The following MALRD1 variants were observed in gnomAD, a reference collection of about 807,000 sequenced individuals.
The protein encoded by MALRD1 is MAM and LDL-receptor class A domain-containing protein 1.
Under a neutral mutation model 242.1 loss-of-function variants are expected in MALRD1, and 247 were observed. That is an observed-to-expected ratio of 1.02 (90% CI 0.92 to 1.13). The LOEUF is 1.13. MALRD1 is among the 50% of genes most tolerant of loss of function. The probability of loss-of-function intolerance (pLI) is 0.00; values close to 1 mark genes in which losing one functional copy is unlikely to be tolerated. For synonymous variants in MALRD1, 995 were observed against 866.6 expected (o/e 1.15, Z -2.60); for missense variants, 2,989 against 2,533.1 (o/e 1.18, Z -3.86).
chr10:19,270,336 TCACACA>T (rs200537040), intron 19 of MALRD1, among the ~76,000 whole-genome samples: 3,071 of 130,802 alleles, frequency 0.023, 61 homozygotes, highest in African/African-American at 0.053. Flanking sequence ...TCTCTCTCTC[TCACACA>T]CACACACACA....
Position 19,371,541 on chromosome 10 carries a change from A to G in MALRD1, c.4442-15987A>G, listed in dbSNP as rs573136556. Among the ~76,000 whole-genome samples, 378 of 152,098 alleles carry G rather than the reference A, an allele frequency of 2.5e-3. 1 individual carries two copies. Among genetic ancestry groups the G allele is most frequent in the Non-Finnish European group, 3.8e-3 (259 of 68,006 alleles). ...TTTTATATCTAGCTGTGGGTATTAC[A>G]CTAACCAATTTTCAAATCTTGGCCC... is the stretch of plus-strand genomic sequence containing the variant. On this transcript the variant is annotated intron_variant, in intron 26 of 39. Coordinates refer to ENST00000454679, the MANE Select transcript of MALRD1 (RefSeq NM_001142308.3).
At chr10:19,225,975 G>A (rs1837783020) in intron 18 of MALRD1, among the ~76,000 whole-genome samples, 1 of 152,018 alleles carries the variant, frequency 6.6e-6, no homozygotes, top group Non-Finnish European at 1.5e-5. Context: ...TGTTATCCCT[G>A]GTCAGATTAT....
intron 33 of MALRD1, among the ~76,000 whole-genome samples, chr10:19,578,908 C>T (rs1836963571): frequency 6.6e-6 from 1 of 152,112 alleles, no homozygotes; most frequent in Non-Finnish European, 1.5e-5. Flanking sequence ...TTCTGACCAA[C>T]AATCTCCAAG....
intron 38 of MALRD1, among the ~76,000 whole-genome samples, chr10:19,693,545 A>T (rs972950035): frequency 2.0e-5 from 3 of 152,196 alleles, no homozygotes. Flanking sequence ...TTCAAAGAGA[A>T]CTACAAACCA....
At chr10:19,065,486 G>A (rs1834950933) in intron 1 of MALRD1, among the ~76,000 whole-genome samples, 1 of 151,938 alleles carries the variant, frequency 6.6e-6, no homozygotes. Flanking sequence ...CTATCTGCTG[G>A]TTTCTGCCGG....
At chr10:19,295,680 C>A (rs956180979) in intron 21 of MALRD1, among the ~76,000 whole-genome samples, 2 of 152,108 alleles carry the variant, frequency 1.3e-5, no homozygotes, top group Admixed American at 6.6e-5. Context: ...AAGGAAGGAT[C>A]TTTCATGTGT....
Position 19,049,037 on chromosome 10 carries a change from A to T in MALRD1, c.99A>T (p.Gln33His), listed in dbSNP as rs1051506404. ...ACVFNSTLAQ[Q>H]GTESFQCDNG... ...TTTTCAATTCTACACTGGCTCAGCAAGGGACAGAAAGCTTTCAGTGTGACA... is the reference window on the plus strand; with the variant it reads ...TTTTCAATTCTACACTGGCTCAGCATGGGACAGAAAGCTTTCAGTGTGACA... Residue 33 changes from glutamine to histidine, a missense_variant, in exon 1 of 40, where the codon CAA (glutamine) becomes CAT (histidine). By Grantham distance (24) the Gln-to-His change is conservative. Coordinates refer to ENST00000454679, the MANE Select transcript of MALRD1 (RefSeq NM_001142308.3). The T allele has an allele frequency of 4.1e-6, 5 of 1,233,814 alleles. No homozygotes were observed. Among genetic ancestry groups the T allele is most frequent in the African/African-American group, 1.6e-5 (1 of 64,502 alleles). The allele number at this position is 1,233,814 out of a possible 1,614,324, so 76.4% of individuals were successfully genotyped here.
intron 35 of MALRD1, among the ~76,000 whole-genome samples, chr10:19,609,312 A>G (rs369512223): frequency 7.9e-5 from 12 of 152,192 alleles, no homozygotes; most frequent in East Asian, 5.8e-4. Flanking sequence ...TACAGTTTTC[A>G]GAAATAAAAT....
intron 36 of MALRD1, among the ~76,000 whole-genome samples, chr10:19,622,861 A>T (rs1406678112): frequency 6.6e-6 from 1 of 152,046 alleles, no homozygotes; most frequent in Non-Finnish European, 1.5e-5. Context: ...CCAAGTACAT[A>T]TGAAAATTTA....
Position 19,590,344 on chromosome 10 carries a change from A to G in MALRD1, c.5681-4850A>G, listed in dbSNP as rs1010942287. Among the ~76,000 whole-genome samples, 6 of 147,244 alleles carry G rather than the reference A, an allele frequency of 4.1e-5. No individual in the cohort carries two copies. In the South Asian group the frequency reaches 1.3e-3, roughly 31 times the overall value. ...ATATACATATTTTATATATGTACAT[A>G]TTTTATATAATATATGTATATGTCT... On this transcript the variant is annotated intron_variant, in intron 33 of 39. Transcript: ENST00000454679.
intron 18 of MALRD1, among the ~76,000 whole-genome samples, chr10:19,220,992 A>G (rs1402557627): frequency 6.6e-6 from 1 of 152,164 alleles, no homozygotes; most frequent in Non-Finnish European, 1.5e-5. Context: ...TAGATCTCTC[A>G]ACTCCAGAGA....
intron 29 of MALRD1, chr10:19,489,366 C>G (rs1031259629): frequency 1.8e-6 from 1 of 544,986 alleles, no homozygotes; most frequent in Non-Finnish European, 3.7e-6. Context: ...AGTCCAGCCT[C>G]TGATGAAGCA....
intron 28 of MALRD1, among the ~76,000 whole-genome samples, chr10:19,428,347 G>A (rs975341675): frequency 6.6e-6 from 1 of 152,016 alleles, no homozygotes; most frequent in South Asian, 2.1e-4. Context: ...CTTCAGAAAA[G>A]TCTTCTTCAC....
chr10:19,371,068 A>G (rs1271631165), intron 26 of MALRD1, among the ~76,000 whole-genome samples: 4 of 144,872 alleles, frequency 2.8e-5, no homozygotes, highest in African/African-American at 1.0e-4. Context: ...TGGACAACAT[A>G]GTGAGGCCCT....
chr10:19,673,883 A>G (rs1842032844), intron 36 of MALRD1, among the ~76,000 whole-genome samples: 1 of 151,686 alleles, frequency 6.6e-6, no homozygotes, highest in Non-Finnish European at 1.5e-5. Flanking sequence ...TTACAAATAT[A>G]TTTTAAATAT....
intron 28 of MALRD1, among the ~76,000 whole-genome samples, chr10:19,431,102 A>C (rs963476510): frequency 5.5e-4 from 84 of 152,124 alleles, no homozygotes; most frequent in African/African-American, 2.0e-3. Context: ...CTATCAACCC[A>C]TCACGTATGT....
At chr10:19,082,368 T>C (rs1835518388) in intron 2 of MALRD1, among the ~76,000 whole-genome samples, 1 of 151,712 alleles carries the variant, frequency 6.6e-6, no homozygotes, top group South Asian at 2.1e-4. Flanking sequence ...GCCCATAGCC[T>C]AAGTTATTAT....
chr10:19,594,737 A>G (rs539164559), intron 33 of MALRD1, among the ~76,000 whole-genome samples: 2 of 152,306 alleles, frequency 1.3e-5, no homozygotes, highest in South Asian at 4.1e-4. Flanking sequence ...CCAGGAATGG[A>G]AAACTAAATA....
chr10:19,697,084 G>A (rs12258294), intron 38 of MALRD1, among the ~76,000 whole-genome samples: 8,788 of 152,208 alleles, frequency 0.058, 749 homozygotes, highest in African/African-American at 0.19. Flanking sequence ...AAATACTAGT[G>A]TATTTGTCTG....
Sources: gnomAD v4.1 joint callset for allele counts (sites outside exome capture counted in the v4.1 genomes callset) on GRCh38, gnomAD v4.1.1 for gene constraint, MANE v1.5 for transcripts, NCBI Gene and HGNC (gene_info 2026-07-23, HGNC 2026-07-21) for gene names.